TRERF1: variants seen among roughly 807,000 people sequenced by gnomAD.
The protein encoded by TRERF1 is transcriptional regulating factor 1, also known as transcriptional-regulating factor 1.
Under a neutral mutation model 122.9 loss-of-function variants are expected in TRERF1, and 27 were observed. The ratio of observed to expected loss-of-function variants is 0.22; its 90% CI spans 0.16 to 0.30. The LOEUF (loss-of-function observed/expected upper bound fraction) is 0.30, where lower values mean the gene tolerates loss of function less well. TRERF1 is among the 10% of genes least tolerant of loss of function. TRERF1 has a pLI of 1.00. For missense variants in TRERF1, 1,248 were observed against 1,560.3 expected (o/e 0.80, Z 3.37); for synonymous variants, 636 against 641.7 (o/e 0.99, Z 0.13).
intron 2 of TRERF1, among the ~76,000 whole-genome samples, chr6:42,438,150 G>C (rs1300084833): frequency 6.6e-6 from 1 of 151,448 alleles, no homozygotes. Context: ...TCGAACTCCT[G>C]ACCTCAAGTG....
chr6:42,268,323 T>A lies in TRERF1; in HGVS notation c.1268A>T (p.His423Leu), dbSNP rs554625012. The change falls in exon 5 of 18, where the codon CAT (histidine) becomes CTT (leucine). Residue 423 changes from histidine to leucine, a missense_variant. By Grantham distance (99) the His-to-Leu change is moderately conservative (BLOSUM62 -3). This residue lies in a region of TRERF1 where 946 missense variants were observed against 1,073.0 expected (regional missense o/e 0.88). Coordinates refer to ENST00000372922, the Ensembl canonical transcript of TRERF1. This position sits in a 1 kb window ranked among gnomAD's most constrained non-coding sequence, Gnocchi z 4.4. The stretch of plus-strand genomic sequence containing the variant: ...TGTGTCAGGAGGCCCCAGGTCCCCA[T>A]GGGAGCTCAGCATGGCCTGGGCCTG... The A allele has an allele frequency of 2.2e-5, 33 of 1,516,208 alleles. No individual in the cohort carries two copies. Among genetic ancestry groups the A allele is most frequent in the Non-Finnish European group, 2.6e-5 (30 of 1,133,472 alleles). The allele number at this position is 1,516,208 out of a possible 1,614,324, so 93.9% of individuals were successfully genotyped here. A position where few individuals can be genotyped will look rare whatever the true frequency, so the allele number is the denominator to read the frequency against.
intron 3 of TRERF1, among the ~76,000 whole-genome samples, chr6:42,356,450 G>T (rs527697753): frequency 2.6e-5 from 4 of 152,234 alleles, no homozygotes; most frequent in Non-Finnish European, 5.9e-5. Context: ...AAGAGATCAG[G>T]TGAGCACACA....
chr6:42,363,435 TACC>T lies in TRERF1; in HGVS notation c.-453-359_-453-357del, dbSNP rs1412508669. On this transcript the variant is annotated intron_variant, in intron 2 of 17. Transcript: ENST00000372922. Reference sequence around the variant, plus strand: ...CACCGTTTCTCGACACCTCCACTGGTACCACTTTAGTCCAAGCAAGCAGCATCT... The same window carrying T: ...CACCGTTTCTCGACACCTCCACTGGTACTTTAGTCCAAGCAAGCAGCATCT... Among the ~76,000 whole-genome samples the T allele has an allele frequency of 2.6e-5, 4 of 152,128 alleles. No homozygotes were observed. In the East Asian group the frequency reaches 7.7e-4, roughly 29 times the overall value.
rs530151030 is a variant in TRERF1 at position 42,275,404 on chromosome 6, C to T, written c.-258-5556G>A. On this transcript the variant is annotated intron_variant, in intron 4 of 17. Transcript: ENST00000372922. The surrounding 1 kb of genome is among the most constrained non-coding windows in gnomAD (Gnocchi z 4.1). ...AGGGTGGGCTCAACAAATAAATGCC[C>T]ACTCAGAACCTAAGGTGCCACTCCA... is the stretch of plus-strand genomic sequence containing the variant. Among the ~76,000 whole-genome samples the T allele has an allele frequency of 5.9e-5, 9 of 152,336 alleles. No individual in the cohort carries two copies. In the South Asian group the frequency reaches 1.9e-3, roughly 32 times the overall value.
At chr6:42,431,863 C>T (rs1336859225) in intron 2 of TRERF1, among the ~76,000 whole-genome samples, 3 of 152,148 alleles carry the variant, frequency 2.0e-5, no homozygotes, top group Non-Finnish European at 4.4e-5. Flanking sequence ...AAATTGTCCC[C>T]ACCTTCATGT....
intron 3 of TRERF1, among the ~76,000 whole-genome samples, chr6:42,311,348 G>A (rs1287455775): frequency 6.6e-6 from 1 of 152,140 alleles, no homozygotes. Context: ...GTGACTCAGG[G>A]AAGGAAGAGA....
chr6:42,320,648 T>C (rs1008173889), intron 3 of TRERF1, among the ~76,000 whole-genome samples: 2 of 151,732 alleles, frequency 1.3e-5, no homozygotes, highest in African/African-American at 4.8e-5. Context: ...TAGCAAGGAT[T>C]ACAGGCGCCC....
At chr6:42,249,037 G>A (rs1000616643) in intron 13 of TRERF1, among the ~76,000 whole-genome samples, 4 of 152,296 alleles carry the variant, frequency 2.6e-5, no homozygotes, top group Middle Eastern at 3.4e-3. Context: ...CGGGTAAGAG[G>A]AGTCAGAAAG....
At chr6:42,405,801 AAAAAAATTAAAAAAATT>A (rs1780093512) in intron 2 of TRERF1, among the ~76,000 whole-genome samples, 1 of 150,750 alleles carries the variant, frequency 6.6e-6, no homozygotes, top group Non-Finnish European at 1.5e-5. Flanking sequence ...TCTCAAAAAA[AAAAAAATTAAAAAAATT>A]AAAAAAAATA....
At chr6:42,441,663 T>TA (rs1000787199) in intron 2 of TRERF1, among the ~76,000 whole-genome samples, 77 of 142,650 alleles carry the variant, frequency 5.4e-4, no homozygotes, top group East Asian at 8.1e-4. Flanking sequence ...ACCAGAGGTT[T>TA]AAAAAAAAAA....
chr6:42,368,239 C>T lies in TRERF1; in HGVS notation c.-453-5160G>A, dbSNP rs113601703. Among the ~76,000 whole-genome samples, 136 of 152,196 alleles carry T rather than the reference C, an allele frequency of 8.9e-4. 1 individual carries two copies. The highest frequency in any genetic ancestry group is 4.8e-3 in the Admixed American group (73 of 15,290). ...ATCAATACCTTCCTATTGTACCTCC[C>T]CAACCAGGTTATGTCCCACTTGTCT... On this transcript the variant is annotated intron_variant, in intron 2 of 17. Coordinates refer to ENST00000372922, the Ensembl canonical transcript of TRERF1.
chr6:42,230,779 G>C (rs1006813527), intron 17 of TRERF1, among the ~76,000 whole-genome samples: 2 of 152,166 alleles, frequency 1.3e-5, no homozygotes, highest in African/African-American at 4.8e-5. Flanking sequence ...GTGCTTCATG[G>C]GGGGAAGTGA....
rs541313438 is a variant in TRERF1 at position 42,419,043 on chromosome 6, C to A, written c.-454+32134G>T. On this transcript the variant is annotated intron_variant, in intron 2 of 17. Transcript: ENST00000372922. Reference sequence around the variant, plus strand: ...GGCCATCAGTCAAGCTACGTTACAACCCGGGTCAAGGGAAAATGCACTTAA... The same window carrying A: ...GGCCATCAGTCAAGCTACGTTACAAACCGGGTCAAGGGAAAATGCACTTAA... 1.4e-4 allele frequency among the ~76,000 whole-genome samples: 21 copies of A among 152,330 alleles called. No individual in the cohort carries two copies. In the East Asian group the frequency reaches 3.7e-3, roughly 27 times the overall value.
intron 2 of TRERF1, among the ~76,000 whole-genome samples, chr6:42,372,710 G>A (rs1396621692): frequency 6.6e-6 from 1 of 152,230 alleles, no homozygotes; most frequent in Non-Finnish European, 1.5e-5. Context: ...GAGAGATGGA[G>A]AGGGATGAGA....
At chr6:42,246,503 T>C in exon 14 of TRERF1, 7 of 1,602,992 alleles carry the variant, frequency 4.4e-6, no homozygotes, top group Non-Finnish European at 6.0e-6. Context: ...GCTAGTGCTT[T>C]GTTAAACAGT....
At chr6:42,265,491 G>A (rs1778977298) in intron 6 of TRERF1, among the ~76,000 whole-genome samples, 1 of 152,184 alleles carries the variant, frequency 6.6e-6, no homozygotes, top group Non-Finnish European at 1.5e-5. Flanking sequence ...CATCTGTAAA[G>A]TAACAATCAT....
chr6:42,421,432 T>C (rs1391448569), intron 2 of TRERF1, among the ~76,000 whole-genome samples: 1 of 152,198 alleles, frequency 6.6e-6, no homozygotes, highest in African/African-American at 2.4e-5. Context: ...ACTCAGACTT[T>C]TTTTTCCCTA....
At chr6:42,233,551 C>T (rs1296037105) in intron 16 of TRERF1, among the ~76,000 whole-genome samples, 6 of 152,200 alleles carry the variant, frequency 3.9e-5, no homozygotes, top group African/African-American at 1.4e-4. Flanking sequence ...TCCCAAAGTG[C>T]TGGGATTACA....
At chr6:42,348,878 A>G (rs1768850613) in intron 3 of TRERF1, among the ~76,000 whole-genome samples, 2 of 152,170 alleles carry the variant, frequency 1.3e-5, no homozygotes, top group African/African-American at 4.8e-5. Flanking sequence ...GGAAGGCAGG[A>G]TACAGTGAAA....
Sources: gnomAD v4.1 joint callset for allele counts (sites outside exome capture counted in the v4.1 genomes callset) on GRCh38, gnomAD v4.1.1 for gene constraint, gnomAD v4.1.1 regional missense constraint, Gnocchi (gnomAD v3.1) non-coding constraint, MANE v1.5 for transcripts, NCBI Gene and HGNC (gene_info 2026-07-23, HGNC 2026-07-21) for gene names.